Variants in ZNF721 observed in about 807,000 individuals in gnomAD.
ZNF721 encodes the protein zinc finger protein 721.
Under a neutral mutation model 2.4 loss-of-function variants are expected in ZNF721, and 2 were observed. The observed-to-expected ratio is 0.82, with a 90% CI of 0.34 to 2.58. The LOEUF (loss-of-function observed/expected upper bound fraction) is 2.58, where lower values mean the gene tolerates loss of function less well. Among genes scored for constraint, ZNF721 ranks in the 30% most tolerant of loss-of-function variants. ZNF721 has a pLI of 0.11. For synonymous variants in ZNF721, 398 were observed against 381.8 expected (o/e 1.04, Z -0.50); for missense variants, 1,187 against 1,085.5 (o/e 1.09, Z -1.31).
chr4:482,267 G>A (rs1430272208), intron 1 of ZNF721, among the ~76,000 whole-genome samples: 3 of 152,144 alleles, frequency 2.0e-5, no homozygotes, highest in Non-Finnish European at 4.4e-5. Flanking sequence ...AGGTTCAAAC[G>A]ATTCTCCTGC....
At chr4:482,676 T>C (rs1715799583) in intron 1 of ZNF721, among the ~76,000 whole-genome samples, 1 of 151,570 alleles carries the variant, frequency 6.6e-6, no homozygotes. Context: ...TTTGTATTTT[T>C]AGTAGAGACG....
intron 1 of ZNF721, chr4:474,157 G>A (rs1246592509): frequency 3.1e-6 from 2 of 640,482 alleles, no homozygotes; most frequent in Non-Finnish European, 4.9e-6. Flanking sequence ...CAAGGCCGCC[G>A]AAGATCCCGG....
chr4:481,575 CTTTTTT>C (rs77613258), intron 1 of ZNF721, among the ~76,000 whole-genome samples: 10 of 142,834 alleles, frequency 7.0e-5, no homozygotes, highest in African/African-American at 2.3e-4. Flanking sequence ...TCTTTTCTTT[CTTTTTT>C]TTTTTTTTTG....
intron 2 of ZNF721, among the ~76,000 whole-genome samples, chr4:463,779 G>C (rs2108704984): frequency 6.6e-6 from 1 of 152,224 alleles, no homozygotes; most frequent in South Asian, 2.1e-4. Context: ...CTAGGGGAGG[G>C]ATAGCATTAG....
At position 444,165 on chromosome 4, in the gene ZNF721, GTCTTA is replaced by G; in HGVS notation, c.297_301del (p.Arg102TyrfsTer7). 2 of 1,613,894 alleles carry G rather than the reference GTCTTA, an allele frequency of 1.2e-6. No homozygotes were observed. Among genetic ancestry groups the G allele is most frequent in the African/African-American group, 1.3e-5 (1 of 75,010 alleles). On this transcript the variant is annotated frameshift_variant, in exon 3 of 3. Transcript: ENST00000511833. LOFTEE classifies it low-confidence loss of function (END_TRUNC). ...AAAGTGTTTCTCTCCAGTATGTCTT[GTCTTA>G]TCTTTGTTTGAATTTGCAAATTTAC... is the stretch of plus-strand genomic sequence containing the variant.
rs566551481 is a variant in ZNF721 at position 477,742 on chromosome 4, G to A, written c.-93-5041C>T. ...AAAACATGCATGCTAAATTTGAGCA[G>A]AGAGGAGGGGAAATACCTATAAAGA... On this transcript the variant is annotated intron_variant, in intron 1 of 2. Transcript: ENST00000511833. 5.3e-5 allele frequency among the ~76,000 whole-genome samples: 8 copies of A among 152,298 alleles called. No individual in the cohort carries two copies. The East Asian group carries it at 1.3e-3, about 26-fold the overall frequency.
At chr4:472,447 T>C in intron 2 of ZNF721, 128 bp downstream of exon 2, 6 of 1,034,296 alleles carry the variant, frequency 5.8e-6, no homozygotes, top group Non-Finnish European at 8.3e-6. Context: ...TATACACATA[T>C]ATAACTTACA....
intron 1 of ZNF721, among the ~76,000 whole-genome samples, chr4:477,330 T>C (rs1237386954): frequency 5.7e-5 from 8 of 140,240 alleles, no homozygotes; most frequent in Admixed American, 5.3e-4. Flanking sequence ...CTCCGCCTCC[T>C]GGGTTCATGC....
Position 442,001 on chromosome 4 carries a change from T to C in ZNF721, c.2466A>G (p.Thr822=). 2 of 1,614,048 alleles carry C rather than the reference T, an allele frequency of 1.2e-6. No homozygotes were observed. Among genetic ancestry groups the C allele is most frequent in the Non-Finnish European group, 1.7e-6 (2 of 1,179,950 alleles). The change falls in exon 3 of 3, where the codon ACA becomes ACG. Residue 822 remains threonine (T), a synonymous_variant. Coordinates refer to ENST00000511833, the MANE Select transcript of ZNF721 (RefSeq NM_133474.4). ...LECGKAFTSS[T]TLTKHRRIHT... Reference sequence around the variant, plus strand: ...GAATTCTCCTATGTTTAGTAAGGGTTGTGGAACTAGTAAACGCTTTACCAC... The same window carrying C: ...GAATTCTCCTATGTTTAGTAAGGGTCGTGGAACTAGTAAACGCTTTACCAC...
At chr4:482,376 G>C (rs1335379724) in intron 1 of ZNF721, among the ~76,000 whole-genome samples, 1 of 152,158 alleles carries the variant, frequency 6.6e-6, no homozygotes, top group East Asian at 1.9e-4. Flanking sequence ...TGTTGGTCAG[G>C]CTGGCCTCAA....
At chr4:477,768 A>C (rs1553868843) in intron 1 of ZNF721, among the ~76,000 whole-genome samples, 1 of 152,174 alleles carries the variant, frequency 6.6e-6, no homozygotes, top group African/African-American at 2.4e-5. Flanking sequence ...CCTATAAAGA[A>C]AGAACACCCT....
At chr4:469,055 A>T (rs1715347896) in intron 2 of ZNF721, among the ~76,000 whole-genome samples, 2 of 152,244 alleles carry the variant, frequency 1.3e-5, no homozygotes, top group South Asian at 4.1e-4. Flanking sequence ...AAATGCATTC[A>T]TTAAGGTATC....
intron 2 of ZNF721, among the ~76,000 whole-genome samples, chr4:444,752 C>CT (rs1419819651): frequency 1.3e-5 from 2 of 152,148 alleles, no homozygotes; most frequent in Non-Finnish European, 2.9e-5. Context: ...GAAGAAAGCT[C>CT]TCAACTCCTT....
chr4:498,050 C>T (rs1303633385), intron 1 of ZNF721, among the ~76,000 whole-genome samples: 7 of 148,546 alleles, frequency 4.7e-5, no homozygotes, highest in South Asian at 2.1e-4. Context: ...ACTAAAAATA[C>T]AAAAATTAGC....
At chr4:489,610 C>T (rs560618335) in intron 1 of ZNF721, among the ~76,000 whole-genome samples, 228 of 152,280 alleles carry the variant, frequency 1.5e-3, no homozygotes, top group African/African-American at 5.4e-3. Context: ...GGTAGAGAGG[C>T]TGTTCCCTCA....
rs3047279 is a variant in ZNF721, at chr4:441,178, ATTC to A, written c.*514_*516del. 0.15 allele frequency: 22,574 copies of A among 155,144 alleles called. 2,284 individuals carry two copies. Among genetic ancestry groups the A allele is most frequent in the African/African-American group, 0.29 (12,162 of 41,466 alleles). 9.6% of individuals were successfully genotyped at this position (155,144 alleles called of 1,614,324 possible). A position where few individuals can be genotyped will look rare whatever the true frequency, so the allele number is the denominator to read the frequency against. On this transcript the variant is annotated 3_prime_UTR_variant, in exon 3 of 3. Coordinates refer to ENST00000511833, the MANE Select transcript of ZNF721 (RefSeq NM_133474.4). The stretch of plus-strand genomic sequence containing the variant: ...TCTTTGTATTCTCTGTCTTAAGACT[ATTC>A]TTCACTTTAATGGCCTATATTTTCT...
chr4:474,983 T>C (rs1309233724), intron 1 of ZNF721, among the ~76,000 whole-genome samples: 1 of 151,906 alleles, frequency 6.6e-6, no homozygotes, highest in African/African-American at 2.4e-5. Context: ...GGTCCGGAGA[T>C]CGAGACCATC....
At chr4:456,811 G>C (rs1199799703) in intron 2 of ZNF721, among the ~76,000 whole-genome samples, 2 of 152,126 alleles carry the variant, frequency 1.3e-5, no homozygotes, top group Admixed American at 1.3e-4. Context: ...TCCGGGAGGC[G>C]GAGGTTGCAG....
intron 1 of ZNF721, among the ~76,000 whole-genome samples, chr4:497,253 C>T (rs73794919): frequency 0.011 from 1,617 of 151,864 alleles, 25 homozygotes; most frequent in African/African-American, 0.037. Context: ...AACCTCAGAC[C>T]CCCCACCGAA....
Sources: allele counts gnomAD v4.1 joint callset (sites outside exome capture counted in the v4.1 genomes callset), GRCh38; gene constraint gnomAD v4.1.1; transcripts MANE v1.5; gene names NCBI Gene and HGNC (gene_info 2026-07-23, HGNC 2026-07-21).